COL14A1: variants seen among roughly 807,000 people sequenced by gnomAD.
COL14A1 encodes the protein collagen type XIV alpha 1 chain, also known as collagen alpha-1(XIV) chain.
In COL14A1, 136 loss-of-function variants were observed where a neutral mutation model predicts 230.3. The ratio of observed to expected loss-of-function variants is 0.59; its 90% CI spans 0.51 to 0.68. COL14A1 has a LOEUF of 0.68. Ranked by LOEUF, COL14A1 falls within the 30% of genes least tolerant of loss-of-function variation. The pLI, the probability that COL14A1 is intolerant of heterozygous loss-of-function variation, is 0.00. For missense variants in COL14A1, 1,976 were observed against 2,215.8 expected (o/e 0.89, Z 2.17); for synonymous variants, 792 against 784.1 (o/e 1.01, Z -0.17).
At chr8:120,289,833 C>A in intron 34 of COL14A1, 67 bp downstream of exon 34, 4 of 1,485,174 alleles carry the variant, frequency 2.7e-6, no homozygotes, top group Admixed American at 2.1e-5. Flanking sequence ...AGTACATTAG[C>A]TATTTTCCAG....
intron 11 of COL14A1, among the ~76,000 whole-genome samples, chr8:120,209,369 A>G (rs1050829820): frequency 2.0e-5 from 3 of 151,954 alleles, no homozygotes; most frequent in African/African-American, 4.8e-5. Flanking sequence ...TCTCAAAAAA[A>G]TAATAAATAA....
chr8:120,200,765 A>ATATATATATG (rs1563668143), intron 8 of COL14A1, among the ~76,000 whole-genome samples: 2 of 92,152 alleles, frequency 2.2e-5, no homozygotes, highest in African/African-American at 8.2e-5. Flanking sequence ...ATATATATAT[A>ATATATATATG]TTATTTTTCA....
intron 24 of COL14A1, among the ~76,000 whole-genome samples, chr8:120,264,575 C>A (rs1269921681): frequency 6.6e-6 from 1 of 152,106 alleles, no homozygotes; most frequent in Non-Finnish European, 1.5e-5. Flanking sequence ...TGTCATCTAG[C>A]AAGTACTTTT....
chr8:120,289,545 A>C (rs1025371255), intron 33 of COL14A1, 63 bp from the exon 34 acceptor site: 8 of 1,381,172 alleles, frequency 5.8e-6, no homozygotes, highest in Non-Finnish European at 8.1e-6. Context: ...TCATACAATT[A>C]TACAAATTTG....
At chr8:120,143,636 A>G (rs527426735) in intron 1 of COL14A1, among the ~76,000 whole-genome samples, 38 of 152,248 alleles carry the variant, frequency 2.5e-4, no homozygotes, top group Non-Finnish European at 4.7e-4. Context: ...ATCTCAAAAA[A>G]CAAAAACAAA....
At chr8:120,215,221 A>G (rs954732575) in intron 13 of COL14A1, among the ~76,000 whole-genome samples, 7 of 152,058 alleles carry the variant, frequency 4.6e-5, no homozygotes, top group African/African-American at 1.7e-4. Context: ...AAATATAAAA[A>G]CTAGCAAGGT....
At chr8:120,220,828 A>G (rs1436192453) in intron 14 of COL14A1, among the ~76,000 whole-genome samples, 1 of 152,148 alleles carries the variant, frequency 6.6e-6, no homozygotes, top group African/African-American at 2.4e-5. Context: ...GATGATGGTG[A>G]TAATGATAAT....
intron 36 of COL14A1, among the ~76,000 whole-genome samples, chr8:120,302,055 C>T (rs1213183582): frequency 6.6e-6 from 1 of 151,700 alleles, no homozygotes; most frequent in African/African-American, 2.4e-5. Context: ...CTGTTTATGT[C>T]CTTTGCTCTC....
intron 1 of COL14A1, among the ~76,000 whole-genome samples, chr8:120,140,761 A>G (rs1346475418): frequency 6.6e-6 from 1 of 152,206 alleles, no homozygotes; most frequent in African/African-American, 2.4e-5. Context: ...GCATTGCTTA[A>G]TGCTTACACT....
At chr8:120,357,143 G>T (rs1823015946) in intron 45 of COL14A1, among the ~76,000 whole-genome samples, 1 of 152,192 alleles carries the variant, frequency 6.6e-6, no homozygotes. Flanking sequence ...ATTTTTGTGG[G>T]TCAGGGATTT....
chr8:120,335,058 T>C (rs557832179), intron 42 of COL14A1, among the ~76,000 whole-genome samples: 1 of 152,012 alleles, frequency 6.6e-6, no homozygotes, highest in Admixed American at 6.6e-5. Flanking sequence ...AAAAGCAAGG[T>C]ATAGAGTGAT....
intron 3 of COL14A1, among the ~76,000 whole-genome samples, chr8:120,160,487 C>G (rs376689047): frequency 5.6e-4 from 86 of 152,284 alleles, no homozygotes; most frequent in African/African-American, 1.9e-3. Context: ...CTGAATGCTT[C>G]AATCCTCTCT....
intron 5 of COL14A1, among the ~76,000 whole-genome samples, chr8:120,171,380 T>G (rs1324587585): frequency 2.0e-5 from 3 of 152,202 alleles, no homozygotes. Flanking sequence ...CATTTCATCT[T>G]GCATCTCAGA....
chr8:120,327,625 A>C (rs1821723785), intron 40 of COL14A1, among the ~76,000 whole-genome samples: 1 of 152,186 alleles, frequency 6.6e-6, no homozygotes, highest in Non-Finnish European at 1.5e-5. Context: ...CAGAGGGTTC[A>C]AGAGCAAGGA....
At chr8:120,169,204 C>T (rs10094949) in intron 5 of COL14A1, among the ~76,000 whole-genome samples, 2,280 of 152,226 alleles carry the variant, frequency 0.015, 50 homozygotes, top group African/African-American at 0.051. Context: ...TTTTCACTAT[C>T]ACAAACATGC....
At chr8:120,290,542 A>G (rs1419765808) in intron 34 of COL14A1, among the ~76,000 whole-genome samples, 1 of 152,214 alleles carries the variant, frequency 6.6e-6, no homozygotes, top group Non-Finnish European at 1.5e-5. Flanking sequence ...CACTTCTCTT[A>G]TGTAATAGAA....
chr8:120,203,722 G>A lies in COL14A1; in HGVS notation c.891G>A (p.Ala297=), dbSNP rs745538347. 35 of 1,613,640 alleles carry A rather than the reference G, an allele frequency of 2.2e-5. No individual in the cohort carries two copies. In the South Asian group the frequency reaches 2.5e-4, roughly 12 times the overall value. Residue 297 remains alanine, a synonymous_variant, in exon 9 of 48, where the codon GCG becomes GCA. Coordinates refer to ENST00000297848, the MANE Select transcript of COL14A1 (RefSeq NM_021110.4). The part of the protein sequence containing the change: ...VELFAIGVKN[A]DVNELQEIAS... The stretch of plus-strand genomic sequence containing the variant: ...CCTCTGTGTAAGGGGTGAAAAACGC[G>A]GATGTGAATGAGCTGCAGGAGATCG...
chr8:120,274,685 A>G (rs1219297576), intron 26 of COL14A1, among the ~76,000 whole-genome samples: 1 of 151,696 alleles, frequency 6.6e-6, no homozygotes, highest in East Asian at 1.9e-4. Flanking sequence ...CCAACGATCA[A>G]TTCTGAGATA....
intron 42 of COL14A1, among the ~76,000 whole-genome samples, chr8:120,336,648 C>T (rs1025777961): frequency 6.6e-6 from 1 of 152,162 alleles, no homozygotes; most frequent in African/African-American, 2.4e-5. Context: ...GGAAGGAGCC[C>T]AGTTGTTCAG....
Sources: allele counts gnomAD v4.1 joint callset (sites outside exome capture counted in the v4.1 genomes callset), GRCh38; gene constraint gnomAD v4.1.1; transcripts MANE v1.5; gene names NCBI Gene and HGNC (gene_info 2026-07-23, HGNC 2026-07-21).